Variants in PRKN observed in about 807,000 individuals in gnomAD.
PRKN encodes the protein E3 ubiquitin-protein ligase parkin.
In PRKN, 56 loss-of-function variants were observed where a neutral mutation model predicts 59.5. The observed-to-expected ratio is 0.94, with a 90% CI of 0.76 to 1.18. The LOEUF is 1.18. Ranked by LOEUF, PRKN falls within the 50% of genes most tolerant of loss-of-function variation. The pLI is 0.00. For missense variants in PRKN, 657 were observed against 596.4 expected, an observed-to-expected ratio of 1.10 and a Z score of -1.06; for synonymous variants, 250 against 222.1, an observed-to-expected ratio of 1.13 and a Z score of -1.12.
chr6:162,371,703 C>T (rs889053900), intron 2 of PRKN, among the ~76,000 whole-genome samples: 3 of 152,146 alleles, frequency 2.0e-5, no homozygotes, highest in Non-Finnish European at 4.4e-5. Context: ...GTACTGTGTA[C>T]ACTGCCTAAG....
chr6:162,060,763 T>C (rs1388498160), intron 4 of PRKN, among the ~76,000 whole-genome samples: 5 of 152,230 alleles, frequency 3.3e-5, no homozygotes, highest in Admixed American at 6.5e-5. Context: ...AAATTGCTAA[T>C]TCTATTTTCC....
chr6:161,383,404 C>A (rs960480264), intron 10 of PRKN, among the ~76,000 whole-genome samples: 10 of 152,166 alleles, frequency 6.6e-5, no homozygotes, highest in Non-Finnish European at 1.5e-4. Context: ...GTATTCTTTC[C>A]CCTCTCTGCT....
At chr6:161,849,126 T>C (rs1793319170) in intron 6 of PRKN, among the ~76,000 whole-genome samples, 1 of 152,204 alleles carries the variant, frequency 6.6e-6, no homozygotes, top group Admixed American at 6.5e-5. Flanking sequence ...TCGTTTGCAC[T>C]TGGTTTGTCA....
At chr6:162,494,361 G>C (rs1792961730) in intron 1 of PRKN, among the ~76,000 whole-genome samples, 1 of 152,024 alleles carries the variant, frequency 6.6e-6, no homozygotes, top group African/African-American at 2.4e-5. Context: ...GGGGAACCCT[G>C]GCTTCTGCAA....
In PRKN at chr6:161,583,469, C is replaced by T. The variant is rs191403397; in HGVS notation, c.872-14053G>A. ...ATTATCATTTCCAGGTTTTTTTTTT[C>T]CTATTTAGGAGAAGTTCAGGAAATG... On this transcript the variant is annotated intron_variant, in intron 7 of 11. Transcript: ENST00000366898. 4.1e-3 allele frequency among the ~76,000 whole-genome samples: 620 copies of T among 149,612 alleles called. 5 individuals are homozygous for T. The highest frequency in any genetic ancestry group is 0.014 in the African/African-American group (590 of 40,818).
rs147744094 is a variant in PRKN at position 161,460,806 on chromosome 6, G to A, written c.1084-73929C>T. ...CGTTCTGTCGCCAGGCTGGAGTGCA[G>A]TGTCACAATCTCGGCCCACTGCAAT... is the stretch of plus-strand genomic sequence containing the variant. On this transcript the variant is annotated intron_variant, in intron 9 of 11. Coordinates refer to ENST00000366898, the MANE Select transcript of PRKN (RefSeq NM_004562.3). This position sits in a 1 kb window ranked among gnomAD's most constrained non-coding sequence, Gnocchi z 5.0. Among the ~76,000 whole-genome samples, 1 of 151,282 alleles carries A rather than the reference G, an allele frequency of 6.6e-6. No homozygotes were observed. The highest frequency in any genetic ancestry group is 1.5e-5 in the Non-Finnish European group (1 of 67,860).
intron 4 of PRKN, among the ~76,000 whole-genome samples, chr6:162,095,656 CAT>C (rs1779693798): frequency 6.6e-6 from 1 of 152,058 alleles, no homozygotes; most frequent in Non-Finnish European, 1.5e-5. Flanking sequence ...ACTCATTTTG[CAT>C]TTCTTTTCAA....
chr6:162,226,734 G>A lies in PRKN; in HGVS notation c.413-25482C>T, dbSNP rs141597933. The stretch of plus-strand genomic sequence containing the variant: ...TTTTTAGTAGAGACGGGGTTTCACC[G>A]TGTTGGTCAGGCTGATCTCAATCTT... On this transcript the variant is annotated intron_variant, in intron 3 of 11. Transcript: ENST00000366898. Among the ~76,000 whole-genome samples the A allele has an allele frequency of 9.9e-5, 15 of 152,148 alleles. 1 individual carries two copies. The highest frequency in any genetic ancestry group is 2.9e-4 in the African/African-American group (12 of 41,528).
chr6:162,142,202 A>G (rs1263941103), intron 4 of PRKN, among the ~76,000 whole-genome samples: 2 of 152,200 alleles, frequency 1.3e-5, no homozygotes, highest in Non-Finnish European at 2.9e-5. Context: ...GAGAAGGGGT[A>G]TTATACTGGC....
intron 1 of PRKN, among the ~76,000 whole-genome samples, chr6:162,595,129 G>A (rs1201748282): frequency 4.6e-5 from 7 of 152,126 alleles, no homozygotes; most frequent in Admixed American, 4.6e-4. Flanking sequence ...AGCTGAGATC[G>A]TGCCACTGCA....
Position 161,484,125 on chromosome 6 carries a change from C to T in PRKN, c.1083+64729G>A, listed in dbSNP as rs937425747. Among the ~76,000 whole-genome samples, 2 of 152,148 alleles carry T rather than the reference C, an allele frequency of 1.3e-5. No homozygotes were observed. The highest frequency in any genetic ancestry group is 1.9e-4 in the East Asian group (1 of 5,146). The stretch of plus-strand genomic sequence containing the variant: ...CTGTGCAGCAAAACACCATGGCACA[C>T]GTTTACCTATATAACAAACCTGCAC... On this transcript the variant is annotated intron_variant, in intron 9 of 11. Coordinates refer to ENST00000366898, the MANE Select transcript of PRKN (RefSeq NM_004562.3). This position sits in a 1 kb window ranked among gnomAD's most constrained non-coding sequence, Gnocchi z 4.9.
At chr6:162,195,108 A>AGATT (rs112893076) in intron 4 of PRKN, among the ~76,000 whole-genome samples, 2,088 of 152,336 alleles carry the variant, frequency 0.014, 46 homozygotes, top group African/African-American at 0.047. Context: ...GCTTCGCTGT[A>AGATT]GATTTAACAC....
intron 4 of PRKN, among the ~76,000 whole-genome samples, chr6:162,145,554 C>A (rs1440056096): frequency 6.6e-6 from 1 of 152,060 alleles, no homozygotes; most frequent in Admixed American, 6.6e-5. Context: ...CACAGCAAAG[C>A]AAGGAACAAA....
chr6:161,420,858 C>T (rs915456257), intron 9 of PRKN, among the ~76,000 whole-genome samples: 9 of 152,168 alleles, frequency 5.9e-5, no homozygotes, highest in Non-Finnish European at 1.3e-4. Flanking sequence ...GGTCACATAG[C>T]TGAAGAGAGA....
chr6:161,382,682 T>C (rs992388073), intron 10 of PRKN, among the ~76,000 whole-genome samples: 26 of 152,224 alleles, frequency 1.7e-4, no homozygotes, highest in Non-Finnish European at 2.2e-4. Context: ...TGTGATGGAT[T>C]GATCTTCTGT....
intron 4 of PRKN, among the ~76,000 whole-genome samples, chr6:162,131,659 A>G (rs1336162743): frequency 2.6e-5 from 4 of 152,218 alleles, no homozygotes; most frequent in Admixed American, 6.5e-5. Context: ...GATTATTTTA[A>G]TTTTAAAAAG....
intron 3 of PRKN, among the ~76,000 whole-genome samples, chr6:162,257,799 C>G (rs982944092): frequency 6.6e-6 from 1 of 152,034 alleles, no homozygotes; most frequent in Admixed American, 6.6e-5. Flanking sequence ...GGTTGTGTTG[C>G]CTCCACCCTT....
chr6:162,685,960 AG>A (rs1779958291), intron 1 of PRKN, among the ~76,000 whole-genome samples: 1 of 152,140 alleles, frequency 6.6e-6, no homozygotes, highest in Non-Finnish European at 1.5e-5. Flanking sequence ...CATGCAATAG[AG>A]GGTAAGCAAG....
intron 5 of PRKN, among the ~76,000 whole-genome samples, chr6:161,978,997 T>C (rs936035640): frequency 1.3e-5 from 2 of 152,066 alleles, no homozygotes; most frequent in African/African-American, 4.8e-5. Flanking sequence ...CTCTTACAAA[T>C]GGTAGTTCAC....
Sources: gnomAD v4.1 joint callset for allele counts (sites outside exome capture counted in the v4.1 genomes callset) on GRCh38, gnomAD v4.1.1 for gene constraint, Gnocchi (gnomAD v3.1) non-coding constraint, MANE v1.5 for transcripts, NCBI Gene and HGNC (gene_info 2026-07-23, HGNC 2026-07-21) for gene names.